Variants in SUPT3H observed in about 807,000 individuals in gnomAD.
SUPT3H encodes SPT3 homolog, SAGA and STAGA complex component, also known as transcription initiation protein SPT3 homolog.
Under a neutral mutation model 44.3 loss-of-function variants are expected in SUPT3H, and 44 were observed. The ratio of observed to expected loss-of-function variants is 0.99; its 90% CI spans 0.78 to 1.28. The LOEUF is 1.28. SUPT3H is among the 50% of genes most tolerant of loss of function. The pLI, the probability that SUPT3H is intolerant of heterozygous loss-of-function variation, is 0.00. For synonymous variants in SUPT3H, 124 were observed against 125.6 expected (o/e 0.99, Z 0.09); for missense variants, 380 against 387.1 (o/e 0.98, Z 0.15).
At chr6:45,280,678 T>A (rs1030532197) in intron 2 of SUPT3H, among the ~76,000 whole-genome samples, 14 of 152,318 alleles carry the variant, frequency 9.2e-5, no homozygotes, top group African/African-American at 3.4e-4. Flanking sequence ...CCTTGTAACA[T>A]GAACTGGTAA....
chr6:45,313,495 C>G (rs7449537), intron 2 of SUPT3H, among the ~76,000 whole-genome samples: 1 of 151,680 alleles, frequency 6.6e-6, no homozygotes, highest in African/African-American at 2.4e-5. Context: ...AAAGATCATT[C>G]GAGACTACTA....
intron 2 of SUPT3H, among the ~76,000 whole-genome samples, chr6:45,362,232 C>T (rs1004915224): frequency 1.3e-5 from 2 of 152,174 alleles, no homozygotes. Flanking sequence ...GACAACTAGA[C>T]AACTTTCAGT....
At chr6:45,221,244 G>A (rs1740524768) in intron 2 of SUPT3H, among the ~76,000 whole-genome samples, 1 of 152,078 alleles carries the variant, frequency 6.6e-6, no homozygotes, top group Non-Finnish European at 1.5e-5. Flanking sequence ...CATGCGGGAG[G>A]GATAGCATTA....
intron 2 of SUPT3H, among the ~76,000 whole-genome samples, chr6:45,299,709 G>A (rs191844172): frequency 6.7e-6 from 1 of 148,488 alleles, no homozygotes; most frequent in African/African-American, 2.5e-5. Context: ...AAGCCAAGGA[G>A]TTTCAGACCA....
At chr6:44,944,064 T>G (rs1282261666) in intron 9 of SUPT3H, among the ~76,000 whole-genome samples, 1 of 152,088 alleles carries the variant, frequency 6.6e-6, no homozygotes, top group Non-Finnish European at 1.5e-5. Context: ...ACGCACTAGA[T>G]TATTTAAGAC....
At chr6:45,277,542 C>T (rs1325217526) in intron 2 of SUPT3H, among the ~76,000 whole-genome samples, 2 of 152,160 alleles carry the variant, frequency 1.3e-5, no homozygotes, top group Non-Finnish European at 2.9e-5. Flanking sequence ...CCCTCCAAAA[C>T]TGTAGACATA....
chr6:44,970,596 T>C (rs1285016134), intron 6 of SUPT3H, among the ~76,000 whole-genome samples: 1 of 152,166 alleles, frequency 6.6e-6, no homozygotes, highest in Non-Finnish European at 1.5e-5. Flanking sequence ...TGGTGATTTT[T>C]ATTTGGCTAT....
chr6:45,184,672 T>A (rs1454066783), intron 2 of SUPT3H, among the ~76,000 whole-genome samples: 1 of 149,282 alleles, frequency 6.7e-6, no homozygotes, highest in East Asian at 2.0e-4. Flanking sequence ...CACTATTTGA[T>A]AAATAACATG....
intron 10 of SUPT3H, among the ~76,000 whole-genome samples, chr6:44,881,833 C>A (rs1401960210): frequency 6.6e-6 from 1 of 152,040 alleles, no homozygotes; most frequent in African/African-American, 2.4e-5. Context: ...TTCTTCGAAG[C>A]CAATGAGAAC....
At chr6:45,279,817 C>G (rs530564961) in intron 2 of SUPT3H, among the ~76,000 whole-genome samples, 3 of 152,150 alleles carry the variant, frequency 2.0e-5, no homozygotes, top group Admixed American at 6.5e-5. Flanking sequence ...TATATCCGGT[C>G]CAGAAATCTC....
At chr6:44,863,324 T>A (rs1774963509) in intron 10 of SUPT3H, among the ~76,000 whole-genome samples, 1 of 152,040 alleles carries the variant, frequency 6.6e-6, no homozygotes, top group Admixed American at 6.5e-5. Context: ...GGGTGACACA[T>A]GCTATGGGAT....
intron 10 of SUPT3H, among the ~76,000 whole-genome samples, chr6:44,846,390 G>A (rs1241358050): frequency 6.6e-6 from 1 of 152,040 alleles, no homozygotes; most frequent in Non-Finnish European, 1.5e-5. Context: ...ATAGTGACAA[G>A]AGGCTCAAAG....
At chr6:45,209,612 A>C (rs1398367381) in intron 2 of SUPT3H, among the ~76,000 whole-genome samples, 1 of 152,180 alleles carries the variant, frequency 6.6e-6, no homozygotes, top group Non-Finnish European at 1.5e-5. Context: ...TGAGCAAAGA[A>C]AGTGGTTTCC....
At chr6:44,955,524 T>A (rs1225789018) in intron 7 of SUPT3H, 1 of 151,922 alleles carries the variant, frequency 6.6e-6, no homozygotes, top group Non-Finnish European at 1.5e-5. Flanking sequence ...CAACGGTAAC[T>A]CCCTTGTTCT....
chr6:45,073,197 T>C (rs929047395), intron 3 of SUPT3H, among the ~76,000 whole-genome samples: 11 of 151,998 alleles, frequency 7.2e-5, no homozygotes, highest in African/African-American at 2.2e-4. Flanking sequence ...TATGTGTCTA[T>C]ATAACTCAAA....
intron 2 of SUPT3H, among the ~76,000 whole-genome samples, chr6:45,268,448 C>A (rs1775602646): frequency 6.6e-6 from 1 of 152,076 alleles, no homozygotes; most frequent in Non-Finnish European, 1.5e-5. Flanking sequence ...ACAGAAAATC[C>A]TTAAAATATT....
In SUPT3H at chr6:45,016,336, A is replaced by G. The variant is rs570744078; in HGVS notation, c.274-1445T>C. 7.9e-5 allele frequency among the ~76,000 whole-genome samples: 12 copies of G among 151,540 alleles called. No individual in the cohort carries two copies. In the South Asian group the frequency reaches 2.5e-3, roughly 32 times the overall value. ...ATAATTGTTTTTTAAATTTTTTTTT[A>G]TTTATTTTTTTATTTTATTATTACT... On this transcript the variant is annotated intron_variant, in intron 4 of 10. Transcript: ENST00000371459.
intron 10 of SUPT3H, among the ~76,000 whole-genome samples, chr6:44,848,304 ATT>A (rs1772260987): frequency 6.6e-6 from 1 of 152,042 alleles, no homozygotes; most frequent in Non-Finnish European, 1.5e-5. Flanking sequence ...GAGGTCTTTT[ATT>A]GATTTCTCTA....
intron 1 of SUPT3H, among the ~76,000 whole-genome samples, chr6:45,375,756 G>A (rs559510563): frequency 7.9e-5 from 12 of 151,754 alleles, no homozygotes; most frequent in African/African-American, 2.2e-4. Flanking sequence ...GGGTGCTACC[G>A]CTACCTATAA....
Sources: allele counts gnomAD v4.1 joint callset (sites outside exome capture counted in the v4.1 genomes callset), GRCh38; gene constraint gnomAD v4.1.1; transcripts MANE v1.5; gene names NCBI Gene and HGNC (gene_info 2026-07-23, HGNC 2026-07-21).